Variants in PACRG observed in about 807,000 individuals in gnomAD.
The protein encoded by PACRG is parkin coregulated gene protein.
In PACRG, 29 loss-of-function variants were observed where a neutral mutation model predicts 29.7. The observed-to-expected ratio is 0.98, with a 90% CI of 0.73 to 1.33. PACRG has a LOEUF of 1.33. Among genes scored for constraint, PACRG ranks in the 40% most tolerant of loss-of-function variants. The pLI is 0.00. For synonymous variants in PACRG, 116 were observed against 118.7 expected, an observed-to-expected ratio of 0.98 and a Z score of 0.15; for missense variants, 279 against 316.2, an observed-to-expected ratio of 0.88 and a Z score of 0.89.
chr6:163,054,726 A>T (rs527313267), intron 2 of PACRG, among the ~76,000 whole-genome samples: 2 of 152,196 alleles, frequency 1.3e-5, no homozygotes, highest in East Asian at 3.9e-4. Flanking sequence ...CCCACCAGCC[A>T]TCCTCATCCC....
At chr6:162,745,396 T>G (rs1780909910) in intron 1 of PACRG, among the ~76,000 whole-genome samples, 1 of 149,934 alleles carries the variant, frequency 6.7e-6, no homozygotes. Flanking sequence ...GGATGTGGGG[T>G]GAGGGGAGGG....
chr6:162,740,333 C>T (rs566831259), intron 1 of PACRG, among the ~76,000 whole-genome samples: 17 of 149,366 alleles, frequency 1.1e-4, no homozygotes, highest in South Asian at 6.4e-4. Flanking sequence ...TTTTTTGAGA[C>T]GGAGTCTTGC....
intron 4 of PACRG, chr6:163,179,229 G>A (rs552934416): frequency 2.6e-4 from 118 of 455,868 alleles, no homozygotes; most frequent in Admixed American, 5.9e-4. Context: ...GGGCTCCTCC[G>A]TAGGTTCTCC....
chr6:163,238,626 C>G (rs1249584362), intron 4 of PACRG, among the ~76,000 whole-genome samples: 2 of 152,208 alleles, frequency 1.3e-5, no homozygotes, highest in Non-Finnish European at 2.9e-5. Flanking sequence ...GCATTTTAGC[C>G]AGTTGACTGC....
intron 2 of PACRG, among the ~76,000 whole-genome samples, chr6:162,930,363 G>A (rs1204088589): frequency 6.6e-6 from 1 of 151,448 alleles, no homozygotes; most frequent in African/African-American, 2.4e-5. Context: ...TTTGTAGATG[G>A]GATTACTTTC....
intron 2 of PACRG, among the ~76,000 whole-genome samples, chr6:163,002,334 T>C (rs926208166): frequency 6.6e-6 from 1 of 152,194 alleles, no homozygotes; most frequent in Non-Finnish European, 1.5e-5. Context: ...CACAATTTCT[T>C]GATTGACGGT....
In PACRG at chr6:162,974,879, G is replaced by T. The variant is rs556330793; in HGVS notation, c.292-87271G>T. On this transcript the variant is annotated intron_variant, in intron 2 of 4. Coordinates refer to ENST00000366888, the MANE Select transcript of PACRG (RefSeq NM_001080379.2). ...CCTGGCAATCCTTCTCCAAATCCGT[G>T]GTCTGAGTCACTGTCCTGTGAATTA... Among the ~76,000 whole-genome samples, 10 of 152,236 alleles carry T rather than the reference G, an allele frequency of 6.6e-5. No individual in the cohort carries two copies. In the East Asian group the frequency reaches 1.9e-3, roughly 29 times the overall value.
chr6:162,940,628 G>A (rs1161292761), intron 2 of PACRG, among the ~76,000 whole-genome samples: 3 of 152,114 alleles, frequency 2.0e-5, no homozygotes, highest in Non-Finnish European at 4.4e-5. Flanking sequence ...AAAGTCCCAC[G>A]TGAAGCTCTC....
chr6:163,035,023 C>T (rs1364939082), intron 2 of PACRG, among the ~76,000 whole-genome samples: 2 of 152,144 alleles, frequency 1.3e-5, no homozygotes, highest in African/African-American at 4.8e-5. Context: ...AGGGTAACTT[C>T]CTGATGTTGC....
intron 2 of PACRG, among the ~76,000 whole-genome samples, chr6:163,037,000 G>A (rs1166517169): frequency 2.0e-5 from 3 of 152,136 alleles, no homozygotes; most frequent in Admixed American, 1.3e-4. Context: ...TAGACCTAAC[G>A]AGAGAGGCGA....
chr6:162,882,539 TATAAG>T (rs1793978870), intron 2 of PACRG, among the ~76,000 whole-genome samples: 2 of 152,124 alleles, frequency 1.3e-5, no homozygotes, highest in Non-Finnish European at 2.9e-5. Flanking sequence ...GTGGGAAAAT[TATAAG>T]AGGAAGAGTG....
At chr6:163,230,551 T>G (rs1781981816) in intron 4 of PACRG, among the ~76,000 whole-genome samples, 1 of 152,202 alleles carries the variant, frequency 6.6e-6, no homozygotes, top group Non-Finnish European at 1.5e-5. Context: ...TGAATAGACA[T>G]TAAATTTCAT....
intron 2 of PACRG, among the ~76,000 whole-genome samples, chr6:162,936,698 A>T (rs1798255391): frequency 6.6e-6 from 1 of 152,138 alleles, no homozygotes; most frequent in Admixed American, 6.5e-5. Context: ...ATGCATTCTA[A>T]ATATTGCTTC....
chr6:163,056,876 C>T (rs1179058596), intron 2 of PACRG, among the ~76,000 whole-genome samples: 1 of 152,086 alleles, frequency 6.6e-6, no homozygotes, highest in Non-Finnish European at 1.5e-5. Flanking sequence ...ATCCCTGAGC[C>T]TTAGAGAGAG....
rs771712773 is a variant in PACRG at position 163,089,281 on chromosome 6, A to C, written c.486A>C (p.Arg162=). ...TAGATGCCTTGAACCTCCGAAACCG[A>C]CAGGTCATCTGTGTCACTCTCAAGG... ...PIKNALNLRN[R]QVICVTLKVL... Residue 162 remains arginine, a synonymous_variant, in exon 4 of 5, where the codon CGA becomes CGC. Coordinates refer to ENST00000366888, the MANE Select transcript of PACRG (RefSeq NM_001080379.2). The C allele has an allele frequency of 6.2e-7, 1 of 1,613,896 alleles. No individual in the cohort carries two copies. The highest frequency in any genetic ancestry group is 1.1e-5 in the South Asian group (1 of 91,030).
intron 2 of PACRG, chr6:163,044,867 T>C (rs1335974819): frequency 6.6e-6 from 1 of 152,228 alleles, no homozygotes; most frequent in Non-Finnish European, 1.5e-5. Flanking sequence ...TTCATTTCTT[T>C]TTAGAAACAA....
At chr6:162,940,191 A>G (rs1171304809) in intron 2 of PACRG, among the ~76,000 whole-genome samples, 1 of 152,222 alleles carries the variant, frequency 6.6e-6, no homozygotes. Context: ...TGATATGCTC[A>G]AGATCAGGCA....
At chr6:163,143,183 T>C (rs930219038) in intron 4 of PACRG, among the ~76,000 whole-genome samples, 8 of 152,168 alleles carry the variant, frequency 5.3e-5, no homozygotes, top group African/African-American at 9.7e-5. Context: ...TTTGCAACTC[T>C]TAGTGTTAGT....
At chr6:162,948,478 G>C (rs1007564482) in intron 2 of PACRG, among the ~76,000 whole-genome samples, 2 of 151,986 alleles carry the variant, frequency 1.3e-5, no homozygotes, top group African/African-American at 2.4e-5. Flanking sequence ...GATTGGTCTA[G>C]GAAACGATTT....
Sources: gnomAD v4.1 joint callset for allele counts (sites outside exome capture counted in the v4.1 genomes callset) on GRCh38, gnomAD v4.1.1 for gene constraint, MANE v1.5 for transcripts, NCBI Gene and HGNC (gene_info 2026-07-23, HGNC 2026-07-21) for gene names.